GALNTL6: variants seen among roughly 807,000 people sequenced by gnomAD.
GALNTL6 encodes the protein polypeptide N-acetylgalactosaminyltransferase-like 6.
In GALNTL6, 46 loss-of-function variants were observed where a neutral mutation model predicts 73.7. That is an observed-to-expected ratio of 0.62 (90% CI 0.49 to 0.80). The LOEUF (loss-of-function observed/expected upper bound fraction) is 0.80. Among genes scored for constraint, GALNTL6 ranks in the 30% least tolerant of loss-of-function variants. GALNTL6 has a pLI of 0.00. For synonymous variants in GALNTL6, 259 were observed against 263.7 expected, an observed-to-expected ratio of 0.98 and a Z score of 0.17; for missense variants, 604 against 755.0, an observed-to-expected ratio of 0.80 and a Z score of 2.34.
intron 2 of GALNTL6, among the ~76,000 whole-genome samples, chr4:171,877,636 A>C (rs1283657461): frequency 6.6e-6 from 1 of 152,208 alleles, no homozygotes; most frequent in Non-Finnish European, 1.5e-5. Context: ...CAAGTGAAAA[A>C]AAAAAAAATC....
chr4:172,295,145 G>A (rs1042869643), intron 3 of GALNTL6, among the ~76,000 whole-genome samples: 5 of 152,114 alleles, frequency 3.3e-5, no homozygotes, highest in Non-Finnish European at 5.9e-5. Context: ...TGAAGAGCTG[G>A]GCGTGGTGGC....
At chr4:172,397,099 T>G (rs939189337) in intron 5 of GALNTL6, among the ~76,000 whole-genome samples, 1 of 152,172 alleles carries the variant, frequency 6.6e-6, no homozygotes, top group Non-Finnish European at 1.5e-5. Flanking sequence ...GGTATATATA[T>G]ATGTGTTTGT....
intron 5 of GALNTL6, among the ~76,000 whole-genome samples, chr4:172,478,128 A>G (rs1262529972): frequency 6.6e-6 from 1 of 152,146 alleles, no homozygotes; most frequent in Non-Finnish European, 1.5e-5. Context: ...TTCCTGTCAA[A>G]TTACGAATGT....
chr4:172,078,828 T>G lies in GALNTL6; in HGVS notation c.139-150828T>G, dbSNP rs372294974. ...TTTTGAGTGCATTTTAGATTGAATC[T>G]TTAGAATGTTTTGATATAGAAATCT... On this transcript the variant is annotated intron_variant, in intron 2 of 12. Coordinates refer to ENST00000506823, the MANE Select transcript of GALNTL6 (RefSeq NM_001034845.3). Among the ~76,000 whole-genome samples, 25 of 152,318 alleles carry G rather than the reference T, an allele frequency of 1.6e-4. No individual in the cohort carries two copies. The East Asian group carries it at 4.8e-3, about 29-fold the overall frequency.
In GALNTL6 at chr4:172,825,106, CTTT is replaced by C. The variant is rs1352086779; in HGVS notation, c.923+11384_923+11386del. 4.6e-3 allele frequency among the ~76,000 whole-genome samples: 350 copies of C among 75,722 alleles called. 1 individual carries two copies. The highest frequency in any genetic ancestry group is 7.0e-3 in the Non-Finnish European group (237 of 33,776). The allele number at this position is 75,722 out of a possible 152,430, so 49.7% of individuals were successfully genotyped here. On this transcript the variant is annotated intron_variant, in intron 7 of 12. Transcript: ENST00000506823. The stretch of plus-strand genomic sequence containing the variant: ...TCTTTCTTTCTTTCTTTCTTTCTTT[CTTT>C]CTTTCTTTCTTTCTTTCTTTCTTCC...
At chr4:171,945,733 T>C (rs1442170864) in intron 2 of GALNTL6, among the ~76,000 whole-genome samples, 4 of 152,050 alleles carry the variant, frequency 2.6e-5, no homozygotes, top group Non-Finnish European at 1.5e-5. Context: ...ATAAACAAAA[T>C]GGAAGGTACA....
At chr4:171,926,688 G>A (rs1007454357) in intron 2 of GALNTL6, among the ~76,000 whole-genome samples, 2 of 151,958 alleles carry the variant, frequency 1.3e-5, no homozygotes, top group African/African-American at 4.8e-5. Context: ...TTCATAATTT[G>A]TATTTACTTT....
chr4:172,761,456 G>A (rs1182801281), intron 5 of GALNTL6, among the ~76,000 whole-genome samples: 1 of 152,118 alleles, frequency 6.6e-6, no homozygotes, highest in African/African-American at 2.4e-5. Context: ...TTTTTTCAAT[G>A]TTTATTTGAT....
intron 2 of GALNTL6, among the ~76,000 whole-genome samples, chr4:171,827,123 T>C (rs570686): frequency 0.28 from 42,778 of 151,978 alleles, 6,232 homozygotes; most frequent in Middle Eastern, 0.37. Context: ...ACACTTTATA[T>C]AGGCAGAGAT....
chr4:172,959,760 T>C (rs910662028), intron 10 of GALNTL6, among the ~76,000 whole-genome samples: 7 of 152,148 alleles, frequency 4.6e-5, no homozygotes, highest in Admixed American at 3.9e-4. Flanking sequence ...CCTGCACAGA[T>C]GGGACATGGC....
intron 5 of GALNTL6, among the ~76,000 whole-genome samples, chr4:172,808,041 T>C (rs947585035): frequency 1.3e-5 from 2 of 152,176 alleles, no homozygotes; most frequent in Admixed American, 6.5e-5. Context: ...CAGGCTGGTC[T>C]TGAACTCCCG....
intron 5 of GALNTL6, among the ~76,000 whole-genome samples, chr4:172,770,603 T>C (rs1738708115): frequency 6.6e-6 from 1 of 152,246 alleles, no homozygotes; most frequent in South Asian, 2.1e-4. Context: ...ATTTTTCATT[T>C]TTCCAATTGC....
intron 2 of GALNTL6, among the ~76,000 whole-genome samples, chr4:172,093,963 T>C (rs1282933616): frequency 6.6e-6 from 1 of 152,166 alleles, no homozygotes; most frequent in African/African-American, 2.4e-5. Context: ...AAGTGCACAA[T>C]AAATATAACC....
Position 171,995,204 on chromosome 4 carries a change from G to A in GALNTL6, c.138+180486G>A, listed in dbSNP as rs1346496236. ...CATAGAAATTAATTATAATGAGATG[G>A]TGTTAAATAGAAAGAATATCAACCA... On this transcript the variant is annotated intron_variant, in intron 2 of 12. Coordinates refer to ENST00000506823, the MANE Select transcript of GALNTL6 (RefSeq NM_001034845.3). Among the ~76,000 whole-genome samples the A allele has an allele frequency of 6.6e-5, 10 of 151,986 alleles. No individual in the cohort carries two copies. The East Asian group carries it at 1.5e-3, about 23-fold the overall frequency.
intron 5 of GALNTL6, among the ~76,000 whole-genome samples, chr4:172,453,669 C>T (rs932127385): frequency 2.6e-5 from 4 of 152,296 alleles, no homozygotes; most frequent in Non-Finnish European, 4.4e-5. Flanking sequence ...CATTAAAATA[C>T]GAAAAGTTCC....
chr4:172,938,384 T>G (rs1748736275), intron 9 of GALNTL6, among the ~76,000 whole-genome samples: 1 of 152,170 alleles, frequency 6.6e-6, no homozygotes, highest in Non-Finnish European at 1.5e-5. Flanking sequence ...GACCATGGTG[T>G]CAGCTTTCCC....
At chr4:172,675,716 T>C (rs1197760080) in intron 5 of GALNTL6, among the ~76,000 whole-genome samples, 1 of 152,228 alleles carries the variant, frequency 6.6e-6, no homozygotes, top group Non-Finnish European at 1.5e-5. Flanking sequence ...CCCCAATTAC[T>C]ATATTTTTAT....
chr4:172,577,029 T>C (rs1339631246), intron 5 of GALNTL6, among the ~76,000 whole-genome samples: 1 of 152,112 alleles, frequency 6.6e-6, no homozygotes, highest in African/African-American at 2.4e-5. Flanking sequence ...TCTCCACCTC[T>C]AGTCAGTGGC....
chr4:171,946,932 G>C (rs1161549585), intron 2 of GALNTL6, among the ~76,000 whole-genome samples: 1 of 152,014 alleles, frequency 6.6e-6, no homozygotes, highest in African/African-American at 2.4e-5. Context: ...ACAAATAAAA[G>C]CTTCTAAACA....
Sources: gnomAD v4.1 joint callset for allele counts (sites outside exome capture counted in the v4.1 genomes callset) on GRCh38, gnomAD v4.1.1 for gene constraint, MANE v1.5 for transcripts, NCBI Gene and HGNC (gene_info 2026-07-23, HGNC 2026-07-21) for gene names.